Variants in CREB5 observed in about 807,000 individuals in gnomAD.
CREB5 encodes cyclic AMP-responsive element-binding protein 5.
Under a neutral mutation model 57.1 loss-of-function variants are expected in CREB5, and 19 were observed. The ratio of observed to expected loss-of-function variants is 0.33; its 90% CI spans 0.23 to 0.49. CREB5 has a LOEUF of 0.49. Ranked by LOEUF, CREB5 falls within the 20% of genes least tolerant of loss-of-function variation. The pLI is 0.99. For missense variants in CREB5, 579 were observed against 671.6 expected (o/e 0.86, Z 1.52); for synonymous variants, 238 against 238.3 (o/e 1.00, Z 0.01).
Position 28,608,927 on chromosome 7 carries a change from T to A in CREB5, c.464+38390T>A, listed in dbSNP as rs557914771. 20 of 152,350 alleles carry A rather than the reference T, an allele frequency of 1.3e-4. No homozygotes were observed. In the East Asian group the frequency reaches 3.7e-3, roughly 28 times the overall value. 9.4% of individuals were successfully genotyped at this position (152,350 alleles called of 1,614,324 possible). On this transcript the variant is annotated intron_variant, in intron 5 of 10. Coordinates refer to ENST00000357727, the MANE Select transcript of CREB5 (RefSeq NM_182898.4). ...CAGGGAGATTTTGCAATTGTTGGCA[T>A]AAATATTAACCAGTAGCGATTAGTC...
chr7:28,337,502 TAA>T (rs1383704306), intron 1 of CREB5, among the ~76,000 whole-genome samples: 3 of 151,238 alleles, frequency 2.0e-5, no homozygotes, highest in Non-Finnish European at 4.4e-5. Flanking sequence ...TAGTCTGATA[TAA>T]GTATAGCTTA....
chr7:28,691,852 C>A (rs1357628544), intron 5 of CREB5, among the ~76,000 whole-genome samples: 1 of 151,868 alleles, frequency 6.6e-6, no homozygotes. Flanking sequence ...TAGGCTGGGC[C>A]AATCTGGAAC....
At chr7:28,357,769 G>A (rs1213551215) in intron 1 of CREB5, among the ~76,000 whole-genome samples, 1 of 152,126 alleles carries the variant, frequency 6.6e-6, no homozygotes, top group African/African-American at 2.4e-5. Flanking sequence ...GTTAACTGTG[G>A]AGGCAAATGC....
chr7:28,811,852 T>C (rs1407399979), intron 9 of CREB5, among the ~76,000 whole-genome samples: 1 of 152,220 alleles, frequency 6.6e-6, no homozygotes, highest in Non-Finnish European at 1.5e-5. Context: ...TAGTAAATAT[T>C]ACCGCAGTGG....
intron 4 of CREB5, among the ~76,000 whole-genome samples, chr7:28,519,808 T>G (rs1793131682): frequency 6.6e-6 from 1 of 152,264 alleles, no homozygotes; most frequent in Admixed American, 6.5e-5. Flanking sequence ...CATTATTTTC[T>G]CTTCTATTTT....
At chr7:28,816,876 AAG>A (rs1256982290) in intron 9 of CREB5, among the ~76,000 whole-genome samples, 2 of 152,218 alleles carry the variant, frequency 1.3e-5, no homozygotes, top group Non-Finnish European at 2.9e-5. Context: ...ACCTTGACCA[AAG>A]AGAGGATATT....
chr7:28,735,732 G>A (rs1803938012), intron 7 of CREB5, among the ~76,000 whole-genome samples: 1 of 151,644 alleles, frequency 6.6e-6, no homozygotes, highest in South Asian at 2.1e-4. Context: ...GAATTAATAT[G>A]AATAATTCAT....
intron 9 of CREB5, among the ~76,000 whole-genome samples, chr7:28,811,555 G>C (rs1384577996): frequency 1.3e-4 from 19 of 151,910 alleles, no homozygotes; most frequent in Admixed American, 1.2e-3. Context: ...TTTTTCTCTA[G>C]AGACAAGGTC....
chr7:28,760,684 A>C (rs1487964865), intron 7 of CREB5, among the ~76,000 whole-genome samples: 1 of 152,058 alleles, frequency 6.6e-6, no homozygotes, highest in Non-Finnish European at 1.5e-5. Flanking sequence ...CACTCAGGGC[A>C]GGTCTGTGTT....
chr7:28,480,099 T>C lies in CREB5; in HGVS notation c.4-8076T>C, dbSNP rs5001717. Among the ~76,000 whole-genome samples, 77 of 152,142 alleles carry C rather than the reference T, an allele frequency of 5.1e-4. 1 individual carries two copies. The East Asian group carries it at 0.014, about 28-fold the overall frequency. The stretch of plus-strand genomic sequence containing the variant: ...AAACTAAGACTAGACTAAAAAGTTG[T>C]GACTCTTAAGAATATTTAAAGATAT... On this transcript the variant is annotated intron_variant, in intron 1 of 10. Coordinates refer to ENST00000357727, the MANE Select transcript of CREB5 (RefSeq NM_182898.4).
intron 7 of CREB5, among the ~76,000 whole-genome samples, chr7:28,775,566 T>TATATATA (rs1396993277): frequency 1.2e-5 from 1 of 82,546 alleles, no homozygotes; most frequent in African/African-American, 4.7e-5. Context: ...ATATATATAT[T>TATATATA]AGCGTATTTT....
At chr7:28,434,942 GTGT>G (rs71555742) in intron 1 of CREB5, among the ~76,000 whole-genome samples, 49,243 of 151,816 alleles carry the variant, frequency 0.32, 8,500 homozygotes, top group Middle Eastern at 0.4. Flanking sequence ...TTCTTGAATG[GTGT>G]TGTTTAATGT....
chr7:28,686,599 C>T (rs772083117), intron 5 of CREB5, among the ~76,000 whole-genome samples: 2 of 151,938 alleles, frequency 1.3e-5, no homozygotes, highest in South Asian at 2.1e-4. Flanking sequence ...CGCTCCTAAT[C>T]GGAGGAGACA....
intron 5 of CREB5, among the ~76,000 whole-genome samples, chr7:28,625,799 C>T (rs571373172): frequency 6.6e-6 from 1 of 152,194 alleles, no homozygotes; most frequent in Non-Finnish European, 1.5e-5. Context: ...TAAATCAACA[C>T]AGGTCTTCCT....
chr7:28,800,407 G>A (rs189002847), intron 7 of CREB5, among the ~76,000 whole-genome samples: 5 of 152,298 alleles, frequency 3.3e-5, no homozygotes, highest in South Asian at 2.1e-4. Flanking sequence ...AAGGGCTGAC[G>A]GGAAGGCAGG....
At chr7:28,664,944 C>A (rs1799761692) in intron 5 of CREB5, among the ~76,000 whole-genome samples, 1 of 152,120 alleles carries the variant, frequency 6.6e-6, no homozygotes, top group Non-Finnish European at 1.5e-5. Context: ...TCAGGGAAGT[C>A]TGTGATCTCA....
intron 1 of CREB5, among the ~76,000 whole-genome samples, chr7:28,306,765 G>T (rs187335793): frequency 0.027 from 4,136 of 151,954 alleles, 114 homozygotes; most frequent in African/African-American, 0.093. Context: ...GTTTCACCGT[G>T]TTAGCCGGGA....
intron 5 of CREB5, among the ~76,000 whole-genome samples, chr7:28,620,454 G>A (rs1050768279): frequency 6.8e-4 from 103 of 152,206 alleles, no homozygotes; most frequent in African/African-American, 2.4e-3. Flanking sequence ...CACCCTCTAA[G>A]GCTGTGTCTC....
intron 5 of CREB5, among the ~76,000 whole-genome samples, chr7:28,625,698 G>A (rs1019379499): frequency 3.3e-5 from 5 of 152,166 alleles, no homozygotes; most frequent in African/African-American, 1.2e-4. Flanking sequence ...TGCAAGCAGA[G>A]TTCTCCCTCA....
Sources: gnomAD v4.1 joint callset for allele counts (sites outside exome capture counted in the v4.1 genomes callset) on GRCh38, gnomAD v4.1.1 for gene constraint, MANE v1.5 for transcripts, NCBI Gene and HGNC (gene_info 2026-07-23, HGNC 2026-07-21) for gene names.